The following RBM41 variants were observed in gnomAD, a reference collection of about 807,000 sequenced individuals.
RBM41 encodes RNA-binding protein 41.
Under a neutral mutation model 30.8 loss-of-function variants are expected in RBM41, and 14 were observed. That is an observed-to-expected ratio of 0.45 (90% CI 0.30 to 0.71). The LOEUF is 0.71. Among genes scored for constraint, RBM41 ranks in the 30% least tolerant of loss-of-function variants. The probability of loss-of-function intolerance (pLI) is 0.08; values close to 1 mark genes in which losing one functional copy is unlikely to be tolerated. For synonymous variants in RBM41, 120 were observed against 110.1 expected (o/e 1.09, Z -0.56); for missense variants, 276 against 326.3 (o/e 0.85, Z 1.19).
At chrX:107,090,791 TTA>T (rs975455891) in intron 5 of RBM41, among the ~76,000 whole-genome samples, 1 of 111,455 alleles carries the variant, frequency 9.0e-6, no homozygotes, top group African/African-American at 3.3e-5. Flanking sequence ...TTTATTTTAT[TTA>T]TTTTTTTTTA....
chrX:107,056,405 A>C, the RBM41 span, among the ~76,000 whole-genome samples: 3 of 112,050 alleles, frequency 2.7e-5, no homozygotes, highest in Admixed American at 2.8e-4. Context: ...GCCTCATAGA[A>C]TGTGTTAGGA....
the RBM41 span, among the ~76,000 whole-genome samples, chrX:107,054,011 G>A: frequency 1.4e-4 from 16 of 110,931 alleles, no homozygotes; most frequent in African/African-American, 3.0e-4. Flanking sequence ...CCAGGAAGCC[G>A]CGTTCTTCAT....
intron 6 of RBM41, among the ~76,000 whole-genome samples, chrX:107,077,805 A>C (rs2147910427): frequency 9.0e-6 from 1 of 110,938 alleles, no homozygotes; most frequent in South Asian, 3.9e-4. Context: ...ATTTTTAAAA[A>C]CTCTTTAAAA....
At chrX:107,113,269 T>G in intron 5 of RBM41, 128 bp downstream of exon 5, 1 of 805,375 alleles carries the variant, frequency 1.2e-6, no homozygotes, top group Non-Finnish European at 1.6e-6. Context: ...TGTATCAGGA[T>G]AATATGCTCC....
chrX:107,118,413 C>T (rs1925072217), intron 1 of RBM41, among the ~76,000 whole-genome samples: 1 of 111,442 alleles, frequency 9.0e-6, no homozygotes, highest in Admixed American at 9.4e-5. Flanking sequence ...CGGCGAGGGG[C>T]TGGCCCGAGG....
At chrX:107,094,647 T>C (rs1394419719) in intron 5 of RBM41, among the ~76,000 whole-genome samples, 2 of 111,678 alleles carry the variant, frequency 1.8e-5, no homozygotes, top group African/African-American at 6.5e-5. Flanking sequence ...AATGTGATCA[T>C]GTTAAGGTTG....
chrX:107,093,182 A>G (rs970006745), intron 5 of RBM41, among the ~76,000 whole-genome samples: 4 of 111,228 alleles, frequency 3.6e-5, no homozygotes, highest in Non-Finnish European at 5.7e-5. Context: ...GGAGTGCTAT[A>G]AAAAAGAAAA....
In RBM41 at chrX:107,088,812, T is replaced by C. The variant is rs1569335253; in HGVS notation, c.623A>G (p.Asp208Gly). 1 of 1,205,884 alleles carries C rather than the reference T, an allele frequency of 8.3e-7. No individual in the cohort carries two copies. Among genetic ancestry groups the C allele is most frequent in the South Asian group, 1.8e-5 (1 of 56,015 alleles). Reference sequence around the variant, plus strand: ...AAAACTTTCCAGGTTGTTCATGGGATCACCTTTGTTCTTCTTTTGGGGTTC... The same window carrying C: ...AAAACTTTCCAGGTTGTTCATGGGACCACCTTTGTTCTTCTTTTGGGGTTC... ...KDEPQKKNKG[D>G]PMNNLESFYQ... Residue 208 changes from aspartate (D) to glycine (G), a missense_variant, in exon 6 of 8, where the codon GAT (aspartate) becomes GGT (glycine). Physicochemically the swap from Asp to Gly is moderately conservative, Grantham distance 94 (BLOSUM62 -1). Coordinates refer to ENST00000685964, the MANE Select transcript of RBM41 (RefSeq NM_001324242.2).
rs1168206812 is a variant in RBM41 at position 107,067,373 on chromosome X, T to C, written c.*154A>G. 1.1e-5 allele frequency: 12 copies of C among 1,082,745 alleles called. No homozygotes were observed. The highest frequency in any genetic ancestry group is 1.4e-5 in the Non-Finnish European group (12 of 836,097). 89.2% of individuals were successfully genotyped at this position (1,082,745 alleles called of 1,213,427 possible). On this transcript the variant is annotated 3_prime_UTR_variant, in exon 8 of 8. Coordinates refer to ENST00000685964, the MANE Select transcript of RBM41 (RefSeq NM_001324242.2). ...CAATTATATAATAGAAAATGTTTTCTACCAGTTCTCTCCAAAAGCTGAAAT... is the reference window on the plus strand; with the variant it reads ...CAATTATATAATAGAAAATGTTTTCCACCAGTTCTCTCCAAAAGCTGAAAT...
chrX:107,096,169 G>C (rs752294502), intron 5 of RBM41, among the ~76,000 whole-genome samples: 90 of 112,335 alleles, frequency 8.0e-4, no homozygotes, highest in African/African-American at 2.8e-3. Flanking sequence ...AAAGATTAAT[G>C]ATTAAAGATC....
At chrX:107,099,690 TACACACACACACACAC>T (rs58279760) in intron 5 of RBM41, among the ~76,000 whole-genome samples, 195 of 92,534 alleles carry the variant, frequency 2.1e-3, no homozygotes, top group African/African-American at 7.4e-3. Flanking sequence ...TCCTGAAAGG[TACACACACACACACAC>T]ACACACACAC....
intron 5 of RBM41, among the ~76,000 whole-genome samples, chrX:107,109,177 T>C (rs1007431993): frequency 2.8e-5 from 3 of 108,935 alleles, no homozygotes; most frequent in African/African-American, 6.7e-5. Context: ...AAGGAATAAA[T>C]GGAGGAACAG....
chrX:107,096,010 C>T (rs751948613), intron 5 of RBM41, among the ~76,000 whole-genome samples: 2 of 111,673 alleles, frequency 1.8e-5, no homozygotes, highest in East Asian at 5.6e-4. Flanking sequence ...GAACAAGACC[C>T]TGTCTCTAAA....
intron 6 of RBM41, among the ~76,000 whole-genome samples, chrX:107,086,582 A>T (rs1012964458): frequency 1.8e-5 from 2 of 110,161 alleles, no homozygotes; most frequent in Non-Finnish European, 3.8e-5. Context: ...AAACACATAT[A>T]AAAAAAAAGC....
rs1935803711 is a variant in RBM41, at chrX:107,065,556, CAA to C, written c.*1969_*1970del. 1 of 336,519 alleles carries C rather than the reference CAA, an allele frequency of 3.0e-6. No individual in the cohort carries two copies. Among genetic ancestry groups the C allele is most frequent in the Admixed American group, 5.5e-5 (1 of 18,020 alleles). 27.7% of individuals were successfully genotyped at this position (336,519 alleles called of 1,213,427 possible). A position where few individuals can be genotyped will look rare whatever the true frequency, so the allele number is the denominator to read the frequency against. ...ATGTTATTCCTATACATTACAAACC[CAA>C]CACACATTATTATAATTACTTAATA... On this transcript the variant is annotated 3_prime_UTR_variant, in exon 8 of 8. Coordinates refer to ENST00000685964, the MANE Select transcript of RBM41 (RefSeq NM_001324242.2).
the RBM41 span, among the ~76,000 whole-genome samples, chrX:107,055,546 T>C: frequency 8.9e-6 from 1 of 112,133 alleles, no homozygotes; most frequent in African/African-American, 3.2e-5. Context: ...GGATGGTCTC[T>C]ATCTCCTGAC....
Position 107,088,529 on chromosome X carries a change from G to A in RBM41, c.906C>T (p.Val302=), listed in dbSNP as rs1922238310. The change falls in exon 6 of 8, where the codon GTC becomes GTT. Residue 302 remains valine (V), a synonymous_variant. Transcript: ENST00000685964. ...PKKLTQPIEF[V]PEDEIQRNRL... Reference sequence around the variant, plus strand: ...GATTTCTCTGGATTTCATCTTCTGGGACAAATTCTATTGGCTGCGTCAGCT... The same window carrying A: ...GATTTCTCTGGATTTCATCTTCTGGAACAAATTCTATTGGCTGCGTCAGCT... 3 of 1,211,145 alleles carry A rather than the reference G, an allele frequency of 2.5e-6. No individual in the cohort carries two copies. The East Asian group carries it at 8.9e-5, about 36-fold the overall frequency.
chrX:107,076,351 AT>A (rs1936227096), intron 6 of RBM41, among the ~76,000 whole-genome samples: 1 of 108,157 alleles, frequency 9.2e-6, no homozygotes, highest in Non-Finnish European at 1.9e-5. Flanking sequence ...AAATAAATAA[AT>A]AAATAAATAA....
intron 2 of RBM41, chrX:107,116,382 A>T: frequency 4.9e-6 from 3 of 617,404 alleles, no homozygotes; most frequent in Non-Finnish European, 6.6e-6. Context: ...GCAAGTAAAC[A>T]GGCAATGATA....
Sources: allele counts gnomAD v4.1 joint callset (sites outside exome capture counted in the v4.1 genomes callset), GRCh38; gene constraint gnomAD v4.1.1; transcripts MANE v1.5; gene names NCBI Gene and HGNC (gene_info 2026-07-23, HGNC 2026-07-21).